RYR1: variants seen among roughly 807,000 people sequenced by gnomAD.
RYR1 encodes ryanodine receptor 1, also known as central core disease of muscle.
In RYR1, 342 loss-of-function variants were observed where a neutral mutation model predicts 583.5. The observed-to-expected ratio is 0.59, with a 90% CI of 0.54 to 0.64. The LOEUF is 0.64. RYR1 is among the 30% of genes least tolerant of loss of function. The pLI is 0.00. For synonymous variants in RYR1, 2,791 were observed against 2,822.5 expected (o/e 0.99, Z 0.35); for missense variants, 6,032 against 6,917.2 (o/e 0.87, Z 4.54).
chr19:38,523,031 G>C lies in RYR1; in HGVS notation c.10263G>C (p.Ala3421=), dbSNP rs778171066. The C allele has an allele frequency of 1.3e-5, 21 of 1,593,722 alleles. No homozygotes were observed. The highest frequency in any genetic ancestry group is 1.8e-5 in the Non-Finnish European group (21 of 1,171,694). The change falls in exon 68 of 106, where the codon GCG becomes GCC. Residue 3421 remains alanine (A), a synonymous_variant. Transcript: ENST00000359596. ...ACCTCCCCTCCGCTGACCCCAGGGC[G>C]CAGTGGCTGACGGAGCCGAATCCCA... The part of the protein sequence containing the change: ...LLIRYVDNNR[A]QWLTEPNPSA...
chr19:38,499,984 G>T lies in RYR1; in HGVS notation c.7291G>T (p.Asp2431Tyr), dbSNP rs193922810. ...CATGTCCTTCTATGCCGCCTTGATCGACCTGCTCGGACGCTGTGCACCAGA... is the reference window on the plus strand; with the variant it reads ...CATGTCCTTCTATGCCGCCTTGATCTACCTGCTCGGACGCTGTGCACCAGA... ...AIMSFYAALI[D>Y]LLGRCAPEMH... The change falls in exon 45 of 106, where the codon GAC becomes TAC. Residue 2431 changes from aspartate (D) to tyrosine (Y), a missense_variant. Coordinates refer to ENST00000359596, the MANE Select transcript of RYR1 (RefSeq NM_000540.3). The surrounding 1 kb of genome is among the most constrained non-coding windows in gnomAD (Gnocchi z 7.3). 6.2e-7 allele frequency: 1 copy of T among 1,614,118 alleles called. No homozygotes were observed. Among genetic ancestry groups the T allele is most frequent in the South Asian group, 1.1e-5 (1 of 91,074 alleles).
At chr19:38,451,649 A>G in intron 11 of RYR1, 115 bp from the exon 12 acceptor site, 1 of 1,239,540 alleles carries the variant, frequency 8.1e-7, no homozygotes, top group Non-Finnish European at 1.2e-6. Context: ...TTGCAGTGAG[A>G]TTCTGCAGAG....
chr19:38,483,010 C>T lies in RYR1; in HGVS notation c.4621-17C>T, dbSNP rs1216486408. 1 of 1,612,138 alleles carries T rather than the reference C, an allele frequency of 6.2e-7. No homozygotes were observed. Among genetic ancestry groups the T allele is most frequent in the Admixed American group, 1.7e-5 (1 of 60,002 alleles). Reference sequence around the variant, plus strand: ...AGCCCACCCGTTTGCTCACCTCGTCCTCTTCTCCTCTGCCAGGTGGAACCC... The same window carrying T: ...AGCCCACCCGTTTGCTCACCTCGTCTTCTTCTCCTCTGCCAGGTGGAACCC... On this transcript the variant is annotated splice_polypyrimidine_tract_variant and intron_variant, in intron 31 of 105. Coordinates refer to ENST00000359596, the MANE Select transcript of RYR1 (RefSeq NM_000540.3). The surrounding 1 kb of genome is among the most constrained non-coding windows in gnomAD (Gnocchi z 6.3).
rs775047238 is a variant in RYR1 at position 38,577,912 on chromosome 19, G to A, written c.14173-6G>A. 5.6e-6 allele frequency: 9 copies of A among 1,613,964 alleles called. No individual in the cohort carries two copies. In the East Asian group the frequency reaches 8.9e-5, roughly 16 times the overall value. On this transcript the variant is annotated splice_polypyrimidine_tract_variant and splice_region_variant and intron_variant, in intron 97 of 105. Transcript: ENST00000359596. The stretch of plus-strand genomic sequence containing the variant: ...TGTCTACACAGCCTGATGCTCTCTT[G>A]TGCAGGTCCTGGACAAACATGGGGA...
At chr19:38,527,910 G>T in intron 73 of RYR1, 126 bp downstream of exon 73, 1 of 1,123,126 alleles carries the variant, frequency 8.9e-7, no homozygotes. Flanking sequence ...AGGAGGTGGA[G>T]CCTCGAGTTT....
rs143418190 is a variant in RYR1 at position 38,489,266 on chromosome 19, C to T, written c.5637C>T (p.Asp1879=). 350 of 1,607,602 alleles carry T rather than the reference C, an allele frequency of 2.2e-4. No individual in the cohort carries two copies. Among genetic ancestry groups the T allele is most frequent in the Non-Finnish European group, 2.8e-4 (329 of 1,175,828 alleles). The part of the protein sequence containing the change: ...EVFTEEEEEE[D]EEEEGEEEDE... The stretch of plus-strand genomic sequence containing the variant: ...TCACTGAGGAAGAAGAGGAGGAGGA[C>T]GAGGAGGAAGAGGGTGAAGAGGAAG... Residue 1879 remains aspartate (D), a synonymous_variant, in exon 35 of 106, where the codon GAC becomes GAT. Coordinates refer to ENST00000359596, the MANE Select transcript of RYR1 (RefSeq NM_000540.3).
intron 84 of RYR1, among the ~76,000 whole-genome samples, chr19:38,540,946 C>A (rs950934139): frequency 6.6e-6 from 1 of 151,584 alleles, no homozygotes; most frequent in African/African-American, 2.4e-5. Flanking sequence ...TCATATACTA[C>A]AGTGTAATAA....
At position 38,433,786 on chromosome 19, in the gene RYR1, C is replaced by CCCCCCCCCCCCTT. The variant is rs1600608436; in HGVS notation, c.-44_-43insCCCCCCCCCCCTT. The CCCCCCCCCCCCTT allele has an allele frequency of 1.4e-6, 2 of 1,441,082 alleles. No homozygotes were observed. Among genetic ancestry groups the CCCCCCCCCCCCTT allele is most frequent in the Non-Finnish European group, 9.8e-7 (1 of 1,023,438 alleles). The allele number at this position is 1,441,082 out of a possible 1,614,324, so 89.3% of individuals were successfully genotyped here. The stretch of plus-strand genomic sequence containing the variant: ...TCCCGCCCAGCCCGCAGCCCCCTCC[C>CCCCCCCCCCCCTT]TCTGTTCCCCGACCTCAGACCCTGG... On this transcript the variant is annotated 5_prime_UTR_variant, in exon 1 of 106. Coordinates refer to ENST00000359596, the MANE Select transcript of RYR1 (RefSeq NM_000540.3).
At position 38,543,311 on chromosome 19, in the gene RYR1, G is replaced by T. The variant is rs1236824667; in HGVS notation, c.11690-36G>T. 6.4e-7 allele frequency: 1 copy of T among 1,554,738 alleles called. No individual in the cohort carries two copies. Among genetic ancestry groups the T allele is most frequent in the South Asian group, 1.1e-5 (1 of 89,780 alleles). ...CCACTGTTCATCTCCCCTAGCACAT[G>T]GGAGGTGCTGGATAAATGACTTTTC... On this transcript the variant is annotated intron_variant, in intron 84 of 105. Coordinates refer to ENST00000359596, the MANE Select transcript of RYR1 (RefSeq NM_000540.3). This position sits in a 1 kb window ranked among gnomAD's most constrained non-coding sequence, Gnocchi z 4.4.
chr19:38,585,817 G>T, intron 102 of RYR1, 121 bp from the exon 103 acceptor site: 1 of 1,208,340 alleles, frequency 8.3e-7, no homozygotes. Flanking sequence ...TAGGAAGCGA[G>T]ATTAGGGGTG....
intron 84 of RYR1, among the ~76,000 whole-genome samples, chr19:38,542,071 A>C (rs1428772878): frequency 3.3e-5 from 5 of 150,396 alleles, no homozygotes; most frequent in Non-Finnish European, 7.4e-5. Context: ...CTTGTCAAAA[A>C]AAAAAAAAAA....
chr19:38,524,883 T>C (rs1246076499), intron 70 of RYR1, among the ~76,000 whole-genome samples: 1 of 152,024 alleles, frequency 6.6e-6, no homozygotes, highest in Non-Finnish European at 1.5e-5. Flanking sequence ...TAGGGGATTC[T>C]GGAAGAGGAC....
intron 87 of RYR1, among the ~76,000 whole-genome samples, chr19:38,544,445 A>G (rs1323539018): frequency 1.3e-5 from 2 of 152,130 alleles, no homozygotes; most frequent in Admixed American, 1.3e-4. Context: ...AACTATATTC[A>G]AGGCTGCCAT....
At chr19:38,546,646 A>C in intron 88 of RYR1, 120 bp downstream of exon 88, 1 of 815,870 alleles carries the variant, frequency 1.2e-6, no homozygotes, top group Non-Finnish European at 2.1e-6. Flanking sequence ...GTCAGGATCC[A>C]TGGGTTGATG....
chr19:38,464,617 G>T, intron 22 of RYR1, 22 bp from the exon 23 acceptor site: 1 of 1,560,242 alleles, frequency 6.4e-7, no homozygotes, highest in Non-Finnish European at 8.7e-7. Flanking sequence ...GTGACCTGTC[G>T]CCTCCACTCC....
At chr19:38,507,040 C>G in intron 57 of RYR1, 88 bp downstream of exon 57, 1 of 1,582,030 alleles carries the variant, frequency 6.3e-7, no homozygotes, top group East Asian at 2.3e-5. Flanking sequence ...AGGGGTGGAG[C>G]CGAGAGGAAC....
intron 89 of RYR1, among the ~76,000 whole-genome samples, chr19:38,557,305 A>G (rs1480296857): frequency 1.3e-5 from 2 of 152,234 alleles, no homozygotes; most frequent in Admixed American, 1.3e-4. Context: ...CTGAAGGTAC[A>G]GCAGTGAACA....
chr19:38,488,695 G>A (rs1394501425), intron 34 of RYR1, among the ~76,000 whole-genome samples: 2 of 152,064 alleles, frequency 1.3e-5, no homozygotes, highest in African/African-American at 4.8e-5. Flanking sequence ...TGTAGAGACG[G>A]GGTTTCACCA....
Position 38,561,009 on chromosome 19 carries a change from C to G in RYR1, c.12283-104C>G. On this transcript the variant is annotated intron_variant, in intron 89 of 105. Transcript: ENST00000359596. The surrounding 1 kb of genome is among the most constrained non-coding windows in gnomAD (Gnocchi z 4.8). ...TGAGCTGTGATTGCGCCACTGCACT[C>G]CAGCCTGGGCGACACAGCGAGACCT... The G allele has an allele frequency of 9.0e-7, 1 of 1,106,952 alleles. No individual in the cohort carries two copies. The highest frequency in any genetic ancestry group is 1.3e-6 in the Non-Finnish European group (1 of 762,934). The allele number at this position is 1,106,952 out of a possible 1,614,324, so 68.6% of individuals were successfully genotyped here. A position where few individuals can be genotyped will look rare whatever the true frequency, so the allele number is the denominator to read the frequency against.
Sources: gnomAD v4.1 joint callset for allele counts (sites outside exome capture counted in the v4.1 genomes callset) on GRCh38, gnomAD v4.1.1 for gene constraint, Gnocchi (gnomAD v3.1) non-coding constraint, MANE v1.5 for transcripts, NCBI Gene and HGNC (gene_info 2026-07-23, HGNC 2026-07-21) for gene names.